Variants in MOB3B observed in about 807,000 individuals in gnomAD.
MOB3B encodes MOB kinase activator-like 2B.
A neutral mutation model predicts 18.7 loss-of-function variants in MOB3B; 7 were observed. That is an observed-to-expected ratio of 0.37 (90% CI 0.21 to 0.70). The LOEUF (loss-of-function observed/expected upper bound fraction) is 0.70, where lower values mean the gene tolerates loss of function less well. Among genes scored for constraint, MOB3B ranks in the 30% least tolerant of loss-of-function variants. MOB3B has a pLI of 0.52. For missense variants in MOB3B, 253 were observed against 281.3 expected, an observed-to-expected ratio of 0.90 and a Z score of 0.72; for synonymous variants, 111 against 99.9, an observed-to-expected ratio of 1.11 and a Z score of -0.66.
chr9:27,349,218 T>C (rs1360221445), intron 3 of MOB3B, among the ~76,000 whole-genome samples: 2 of 152,230 alleles, frequency 1.3e-5, no homozygotes, highest in African/African-American at 4.8e-5. Flanking sequence ...GTGGTTTGTA[T>C]ATCTGACCTT....
chr9:27,488,796 A>G lies in MOB3B; in HGVS notation c.-198-33048T>C, dbSNP rs571948055. Among the ~76,000 whole-genome samples the G allele has an allele frequency of 1.2e-4, 19 of 152,276 alleles. 1 individual carries two copies. In the South Asian group the frequency reaches 3.5e-3, roughly 28 times the overall value. On this transcript the variant is annotated intron_variant, in intron 1 of 3. Transcript: ENST00000262244. ...TGCCCCTTTGCTTATCTAGAACACTATGGAATGTGGTCAGCACAGAAAGGA... is the reference window on the plus strand; with the variant it reads ...TGCCCCTTTGCTTATCTAGAACACTGTGGAATGTGGTCAGCACAGAAAGGA...
chr9:27,490,280 A>G (rs1307686144), intron 1 of MOB3B, among the ~76,000 whole-genome samples: 1 of 152,202 alleles, frequency 6.6e-6, no homozygotes, highest in African/African-American at 2.4e-5. Flanking sequence ...GGAGAAAAAG[A>G]TGAATGAGAC....
intron 2 of MOB3B, among the ~76,000 whole-genome samples, chr9:27,434,166 C>T (rs901041511): frequency 1.3e-5 from 2 of 152,178 alleles, no homozygotes; most frequent in African/African-American, 2.4e-5. Flanking sequence ...GAATACCCCT[C>T]GGAGGACAAA....
intron 2 of MOB3B, among the ~76,000 whole-genome samples, chr9:27,399,213 C>T (rs1050379398): frequency 1.3e-5 from 2 of 152,176 alleles, no homozygotes; most frequent in South Asian, 4.1e-4. Flanking sequence ...AAAATACCCT[C>T]CAGCAAAAGA....
At chr9:27,441,280 G>GA (rs35909593) in intron 2 of MOB3B, among the ~76,000 whole-genome samples, 57,513 of 152,008 alleles carry the variant, frequency 0.38, 11,384 homozygotes, top group African/African-American at 0.5. Flanking sequence ...TTCACAGGCA[G>GA]AAGATTCATA....
Position 27,359,121 on chromosome 9 carries a change from T to G in MOB3B, c.534A>C (p.Ala178=). ...HHFDRVIVMG[A]EAHVNTCYKH... is the part of the protein sequence containing the mutation. Reference sequence around the variant, plus strand: ...TGTAGCAGGTGTTGACATGGGCCTCTGCACCCATCACAATGACCCGGTCGA... The same window carrying G: ...TGTAGCAGGTGTTGACATGGGCCTCGGCACCCATCACAATGACCCGGTCGA... The change falls in exon 3 of 4, where the codon GCA becomes GCC. Residue 178 remains alanine, a synonymous_variant. Coordinates refer to ENST00000262244, the MANE Select transcript of MOB3B (RefSeq NM_024761.5). The G allele has an allele frequency of 6.2e-7, 1 of 1,614,130 alleles. No homozygotes were observed. Among genetic ancestry groups the G allele is most frequent in the Non-Finnish European group, 8.5e-7 (1 of 1,180,032 alleles).
At chr9:27,461,948 A>G (rs748114029) in intron 1 of MOB3B, among the ~76,000 whole-genome samples, 5 of 152,208 alleles carry the variant, frequency 3.3e-5, no homozygotes, top group Non-Finnish European at 7.3e-5. Context: ...ACCTACTGAC[A>G]GTCCATGGAA....
intron 2 of MOB3B, among the ~76,000 whole-genome samples, chr9:27,445,207 C>T (rs1464394532): frequency 6.6e-6 from 1 of 152,202 alleles, no homozygotes; most frequent in Non-Finnish European, 1.5e-5. Context: ...ATTTAATTCT[C>T]TACCAGGAAC....
At chr9:27,331,100 T>C (rs1004219723) in intron 3 of MOB3B, among the ~76,000 whole-genome samples, 11 of 151,754 alleles carry the variant, frequency 7.2e-5, no homozygotes. Flanking sequence ...AAAGGATAAG[T>C]GGGTATAAGT....
intron 2 of MOB3B, among the ~76,000 whole-genome samples, chr9:27,420,874 T>C (rs1488166914): frequency 1.9e-5 from 2 of 105,694 alleles, no homozygotes; most frequent in Non-Finnish European, 4.5e-5. Context: ...TGCAGCAAAA[T>C]CTCACAAATC....
At chr9:27,435,347 T>C (rs778577743) in intron 2 of MOB3B, among the ~76,000 whole-genome samples, 1 of 152,184 alleles carries the variant, frequency 6.6e-6, no homozygotes, top group Non-Finnish European at 1.5e-5. Context: ...TACATGTTTA[T>C]AAACTTCTTT....
intron 3 of MOB3B, among the ~76,000 whole-genome samples, chr9:27,331,857 G>C (rs1450069982): frequency 6.6e-6 from 1 of 152,200 alleles, no homozygotes; most frequent in Non-Finnish European, 1.5e-5. Flanking sequence ...GGAGTGCCAA[G>C]GTGTTCAGAG....
chr9:27,423,625 TG>T (rs1171708187), intron 2 of MOB3B, among the ~76,000 whole-genome samples: 1 of 152,210 alleles, frequency 6.6e-6, no homozygotes, highest in African/African-American at 2.4e-5. Context: ...GCCTAACACT[TG>T]GGTCATAACA....
At chr9:27,346,647 A>G (rs1483028996) in intron 3 of MOB3B, among the ~76,000 whole-genome samples, 1 of 152,226 alleles carries the variant, frequency 6.6e-6, no homozygotes. Context: ...CTATATGAAA[A>G]TATTTTAATA....
chr9:27,481,520 G>GTTTTTTTTTTTT (rs1224985717), intron 1 of MOB3B, among the ~76,000 whole-genome samples: 6 of 91,724 alleles, frequency 6.5e-5, no homozygotes, highest in African/African-American at 2.1e-4. Context: ...TGTTTTTTTT[G>GTTTTTTTTTTTT]TTTTTTTTTT....
At chr9:27,365,185 C>G (rs907440099) in intron 2 of MOB3B, among the ~76,000 whole-genome samples, 17 of 81,538 alleles carry the variant, frequency 2.1e-4, no homozygotes, top group Admixed American at 8.9e-4. Flanking sequence ...AGAAAACCCA[C>G]AGCAGAAAGG....
intron 2 of MOB3B, among the ~76,000 whole-genome samples, chr9:27,429,162 C>A (rs1445802869): frequency 2.0e-5 from 3 of 152,174 alleles, no homozygotes; most frequent in Non-Finnish European, 4.4e-5. Flanking sequence ...TCTAGAGCTT[C>A]TCATAAATCG....
intron 2 of MOB3B, among the ~76,000 whole-genome samples, chr9:27,382,422 A>T (rs1821591185): frequency 6.6e-6 from 1 of 151,850 alleles, no homozygotes; most frequent in Non-Finnish European, 1.5e-5. Context: ...GCCCTGACTC[A>T]CTCTTTCATC....
intron 1 of MOB3B, among the ~76,000 whole-genome samples, chr9:27,510,040 T>C (rs1587268254): frequency 6.6e-6 from 1 of 152,212 alleles, no homozygotes; most frequent in East Asian, 1.9e-4. Context: ...CAAATTTATG[T>C]AACAGATTTG....
Sources: gnomAD v4.1 joint callset for allele counts (sites outside exome capture counted in the v4.1 genomes callset) on GRCh38, gnomAD v4.1.1 for gene constraint, MANE v1.5 for transcripts, NCBI Gene and HGNC (gene_info 2026-07-23, HGNC 2026-07-21) for gene names.